ALDH9A1: variants seen among roughly 807,000 people sequenced by gnomAD.
ALDH9A1 encodes the protein 4-trimethylaminobutyraldehyde dehydrogenase.
A neutral mutation model predicts 56.6 loss-of-function variants in ALDH9A1; 42 were observed. The ratio of observed to expected loss-of-function variants is 0.74; its 90% confidence interval spans 0.58 to 0.96. The LOEUF (loss-of-function observed/expected upper bound fraction) is 0.96. Ranked by LOEUF, ALDH9A1 falls within the 40% of genes least tolerant of loss-of-function variation. ALDH9A1 has a pLI of 0.00. For synonymous variants in ALDH9A1, 242 were observed against 236.0 expected (o/e 1.03, Z -0.23); for missense variants, 661 against 651.5 (o/e 1.01, Z -0.16).
At chr1:165,685,735 G>C (rs767090638) in intron 2 of ALDH9A1, among the ~76,000 whole-genome samples, 7 of 152,192 alleles carry the variant, frequency 4.6e-5, no homozygotes, top group Admixed American at 6.5e-5. Flanking sequence ...ATGTTAAGGA[G>C]GGGGACCATG....
chr1:165,665,687 G>A (rs1044431772), intron 9 of ALDH9A1, among the ~76,000 whole-genome samples: 1 of 152,098 alleles, frequency 6.6e-6, no homozygotes, highest in Non-Finnish European at 1.5e-5. Context: ...CCACAGAAAT[G>A]CAAATAAAAA....
intron 5 of ALDH9A1, 25 bp downstream of exon 5, chr1:165,680,462 T>A (rs1419342690): frequency 6.2e-7 from 1 of 1,610,326 alleles, no homozygotes; most frequent in African/African-American, 1.3e-5. Flanking sequence ...CCATGTGTGT[T>A]GACCAATACT....
chr1:165,688,403 C>A (rs1005889335), intron 2 of ALDH9A1, among the ~76,000 whole-genome samples: 8 of 152,170 alleles, frequency 5.3e-5, no homozygotes, highest in African/African-American at 1.7e-4. Context: ...TCTGGGTCTA[C>A]ACAAATGACT....
At chr1:165,677,890 G>A (rs1181419518) in intron 6 of ALDH9A1, among the ~76,000 whole-genome samples, 5 of 151,404 alleles carry the variant, frequency 3.3e-5, no homozygotes, top group South Asian at 2.1e-4. Context: ...TTAGCCAGCC[G>A]TGGTGGCACA....
intron 2 of ALDH9A1, among the ~76,000 whole-genome samples, chr1:165,690,855 G>A (rs992805125): frequency 3.9e-5 from 6 of 152,214 alleles, no homozygotes; most frequent in African/African-American, 1.4e-4. Context: ...AAACAAAGCA[G>A]CCAGGAAGCT....
intron 7 of ALDH9A1, 110 bp downstream of exon 7, chr1:165,669,152 G>A: frequency 2.3e-6 from 3 of 1,325,812 alleles, no homozygotes. Flanking sequence ...GATGCTAATA[G>A]TCCAATGAAT....
At chr1:165,675,676 A>T (rs1299853702) in intron 6 of ALDH9A1, among the ~76,000 whole-genome samples, 1 of 152,210 alleles carries the variant, frequency 6.6e-6, no homozygotes, top group South Asian at 2.1e-4. Context: ...AAATTTTAAA[A>T]TCAGCAAGGA....
intron 6 of ALDH9A1, chr1:165,671,636 C>T (rs148158440): frequency 4.8e-5 from 23 of 484,010 alleles, no homozygotes; most frequent in African/African-American, 3.0e-4. Context: ...GATAGAGAGC[C>T]GGATTCACTG....
In ALDH9A1 at chr1:165,695,302, A is replaced by G. The variant is rs1214917873; in HGVS notation, c.277T>C (p.Ser93Pro). The G allele has an allele frequency of 1.9e-6, 3 of 1,613,172 alleles. No individual in the cohort carries two copies. Among genetic ancestry groups the G allele is most frequent in the Non-Finnish European group, 2.5e-6 (3 of 1,179,646 alleles). ...AGGATTCGGCAACGCTCCATGCCAG[A>G]TTTTTGACTCCATATTTTAAAAGCA... ...KAAFKIWSQK[S>P]GMERCRILLE... Residue 93 changes from serine to proline, a missense_variant, in exon 2 of 11, where the codon TCT (serine) becomes CCT (proline). Physicochemically the swap from Ser to Pro is moderately conservative, Grantham distance 74. Coordinates refer to ENST00000354775, the MANE Select transcript of ALDH9A1 (RefSeq NM_000696.4).
intron 6 of ALDH9A1, 71 bp from the exon 7 acceptor site, chr1:165,669,521 C>T (rs564334601): frequency 3.0e-6 from 4 of 1,349,080 alleles, no homozygotes; most frequent in Non-Finnish European, 4.0e-6. Flanking sequence ...AAAATGAACA[C>T]AATCTAAAAA....
intron 1 of ALDH9A1, chr1:165,698,117 ACT>A: frequency 1.2e-6 from 1 of 861,382 alleles, no homozygotes; most frequent in Middle Eastern, 4.0e-4. Flanking sequence ...TACTTTGCGA[ACT>A]CTGTTCTGGC....
chr1:165,678,634 C>T (rs1009863006), intron 6 of ALDH9A1, among the ~76,000 whole-genome samples: 1 of 152,136 alleles, frequency 6.6e-6, no homozygotes, highest in Non-Finnish European at 1.5e-5. Flanking sequence ...ACAGGATAGT[C>T]TCAAAATACC....
chr1:165,673,320 G>A (rs868383717), intron 6 of ALDH9A1, among the ~76,000 whole-genome samples: 8 of 152,202 alleles, frequency 5.3e-5, no homozygotes, highest in African/African-American at 9.6e-5. Flanking sequence ...GTGAGGATGC[G>A]GAGAAAAGGA....
chr1:165,698,545 G>T lies in ALDH9A1; in HGVS notation c.14C>A (p.Ala5Glu), dbSNP rs1238463761. ...AAGCGGGGAGAGCGCGGCCAGGCCT[G>T]CTCGGAGAAACATGAGTGGCGGACG... MFLR[A>E]GLAALSPLLR... The change falls in exon 1 of 11, where the codon GCA (alanine) becomes GAA (glutamate). Residue 5 changes from alanine (A) to glutamate (E), a missense_variant. Ala to Glu is a moderately radical substitution (Grantham distance 107). Coordinates refer to ENST00000354775, the MANE Select transcript of ALDH9A1 (RefSeq NM_000696.4). 22 of 1,606,192 alleles carry T rather than the reference G, an allele frequency of 1.4e-5. No individual in the cohort carries two copies. Among genetic ancestry groups the T allele is most frequent in the Non-Finnish European group, 1.8e-5 (21 of 1,177,598 alleles).
At chr1:165,669,104 G>C in intron 7 of ALDH9A1, 91 bp from the exon 8 acceptor site, 2 of 1,349,012 alleles carry the variant, frequency 1.5e-6, no homozygotes, top group Non-Finnish European at 2.1e-6. Flanking sequence ...CAAACACATA[G>C]TCTTCCCAGT....
At chr1:165,667,678 TTAAA>T (rs1197995030) in intron 8 of ALDH9A1, among the ~76,000 whole-genome samples, 9 of 152,178 alleles carry the variant, frequency 5.9e-5, no homozygotes, top group Non-Finnish European at 8.8e-5. Context: ...TTCCTATTTA[TTAAA>T]TATTCATGTA....
At chr1:165,681,990 C>A in intron 4 of ALDH9A1, 117 bp downstream of exon 4, 1 of 1,379,326 alleles carries the variant, frequency 7.2e-7, no homozygotes, top group Non-Finnish European at 9.9e-7. Flanking sequence ...TATCCCAGAG[C>A]AGGCCCCTTC....
intron 8 of ALDH9A1, 28 bp downstream of exon 8, chr1:165,668,898 T>G (rs1192254731): frequency 6.8e-7 from 1 of 1,465,290 alleles, no homozygotes; most frequent in East Asian, 2.3e-5. Flanking sequence ...ATTCAAATCA[T>G]CTAAAAGCAA....
chr1:165,686,454 C>T (rs1040766445), intron 2 of ALDH9A1, among the ~76,000 whole-genome samples: 1 of 151,354 alleles, frequency 6.6e-6, no homozygotes, highest in Non-Finnish European at 1.5e-5. Context: ...CCTTTGAGTA[C>T]CAGTGTGAGA....
Sources: allele counts gnomAD v4.1 joint callset (sites outside exome capture counted in the v4.1 genomes callset), GRCh38; gene constraint gnomAD v4.1.1; transcripts MANE v1.5; gene names NCBI Gene and HGNC (gene_info 2026-07-23, HGNC 2026-07-21).